The following PAFAH1B2 variants were observed in gnomAD, a reference collection of about 807,000 sequenced individuals.
PAFAH1B2 encodes the protein platelet activating factor acetylhydrolase 1b catalytic subunit 2.
In PAFAH1B2, 8 loss-of-function variants were observed where a neutral mutation model predicts 28.0. That is an observed-to-expected ratio of 0.29 (90% CI 0.17 to 0.52). PAFAH1B2 has a LOEUF of 0.52. PAFAH1B2 is among the 20% of genes least tolerant of loss of function. PAFAH1B2 has a pLI of 0.97. For synonymous variants in PAFAH1B2, 104 were observed against 103.2 expected, an observed-to-expected ratio of 1.01 and a Z score of -0.05; for missense variants, 190 against 282.6, an observed-to-expected ratio of 0.67 and a Z score of 2.35.
chr11:117,167,339 TC>T, intron 5 of PAFAH1B2, 81 bp from the exon 6 acceptor site: 1 of 1,368,938 alleles, frequency 7.3e-7, no homozygotes, highest in Non-Finnish European at 9.8e-7. Context: ...ATGGAGATGT[TC>T]CAGGAATATC....
chr11:117,146,141 T>A (rs1472452551), intron 1 of PAFAH1B2, among the ~76,000 whole-genome samples: 1 of 141,324 alleles, frequency 7.1e-6, no homozygotes, highest in African/African-American at 2.6e-5. Context: ...TTTGTGTGTG[T>A]GACGGAGTCT....
At chr11:117,144,692 C>G (rs1436382234) in intron 1 of PAFAH1B2, among the ~76,000 whole-genome samples, 2 of 152,160 alleles carry the variant, frequency 1.3e-5, no homozygotes, top group African/African-American at 4.8e-5. Flanking sequence ...CCTCAGCCGC[C>G]GGCCGGCGCC....
chr11:117,168,842 G>A lies in PAFAH1B2; in HGVS notation c.*1143G>A, dbSNP rs777020441. 6.5e-5 allele frequency: 44 copies of A among 678,986 alleles called. No homozygotes were observed. The highest frequency in any genetic ancestry group is 7.5e-5 in the Non-Finnish European group (40 of 536,398). 42.1% of individuals were successfully genotyped at this position (678,986 alleles called of 1,614,324 possible). A position where few individuals can be genotyped will look rare whatever the true frequency, so the allele number is the denominator to read the frequency against. ...GAGTTTCACTGTTGCCCAGGCTGGG[G>A]TGCAATGGTGTGATCTTGGCTCACT... On this transcript the variant is annotated 3_prime_UTR_variant, in exon 6 of 6. Transcript: ENST00000527958.
chr11:117,166,369 C>A (rs758050245), intron 5 of PAFAH1B2, among the ~76,000 whole-genome samples: 14 of 152,156 alleles, frequency 9.2e-5, no homozygotes, highest in Non-Finnish European at 1.6e-4. Flanking sequence ...GCTCAATAAG[C>A]CTTCCATATT....
At position 117,158,262 on chromosome 11, in the gene PAFAH1B2, G is replaced by A. The variant is rs370158700; in HGVS notation, c.82-1672G>A. Among the ~76,000 whole-genome samples the A allele has an allele frequency of 3.0e-4, 45 of 152,122 alleles. 2 individuals carry two copies. In the South Asian group the frequency reaches 6.8e-3, roughly 23 times the overall value. On this transcript the variant is annotated intron_variant, in intron 2 of 5. Transcript: ENST00000527958. The stretch of plus-strand genomic sequence containing the variant: ...TCATGATGTTGCCCAGGCTGGTCTC[G>A]AATGCCTGGGCTCAAGCTATCCTTC...
chr11:117,169,951 C>T lies in PAFAH1B2; in HGVS notation c.*2252C>T, dbSNP rs1956610403. 9.5e-7 allele frequency: 1 copy of T among 1,053,028 alleles called. No homozygotes were observed. 65.2% of individuals were successfully genotyped at this position (1,053,028 alleles called of 1,614,324 possible). A position where few individuals can be genotyped will look rare whatever the true frequency, so the allele number is the denominator to read the frequency against. ...TATCCCTTTGTGAGCTGGCCCTCAGCTCCTTTGCTCATGTGTACAAACCTC... is the reference window on the plus strand; with the variant it reads ...TATCCCTTTGTGAGCTGGCCCTCAGTTCCTTTGCTCATGTGTACAAACCTC... On this transcript the variant is annotated 3_prime_UTR_variant, in exon 6 of 6. Coordinates refer to ENST00000527958, the MANE Select transcript of PAFAH1B2 (RefSeq NM_002572.4).
chr11:117,150,232 C>G (rs1244685609), intron 1 of PAFAH1B2, among the ~76,000 whole-genome samples: 2 of 152,158 alleles, frequency 1.3e-5, no homozygotes, highest in Non-Finnish European at 2.9e-5. Flanking sequence ...GCTGCAACTT[C>G]CGCCTGCCAG....
chr11:117,150,187 G>A (rs988272411), intron 1 of PAFAH1B2, among the ~76,000 whole-genome samples: 6 of 152,052 alleles, frequency 3.9e-5, no homozygotes, highest in Admixed American at 3.9e-4. Flanking sequence ...TAATTTTTTG[G>A]TTGTTGTTTG....
intron 5 of PAFAH1B2, among the ~76,000 whole-genome samples, chr11:117,166,079 G>A (rs936676921): frequency 1.1e-4 from 16 of 152,136 alleles, no homozygotes; most frequent in Non-Finnish European, 2.2e-4. Flanking sequence ...GACCTCGTTC[G>A]TGATCTGCCC....
At chr11:117,172,404 A>ATT (rs375747711), downstream of PAFAH1B2, among the ~76,000 whole-genome samples, 2 of 8,690 alleles carry the variant, frequency 2.3e-4, no homozygotes, top group Non-Finnish European at 5.2e-4. Context: ...ATATATATAT[A>ATT]TTTTTTTTTT....
At chr11:117,177,313 C>T (rs999233184), downstream of PAFAH1B2, among the ~76,000 whole-genome samples, 11 of 152,020 alleles carry the variant, frequency 7.2e-5, no homozygotes, top group African/African-American at 2.7e-4. Context: ...CACTCACAAT[C>T]CATTATTTTT....
chr11:117,175,374 A>T (rs1447165730), downstream of PAFAH1B2: 1 of 1,070,204 alleles, frequency 9.3e-7, no homozygotes, highest in East Asian at 5.0e-5. Flanking sequence ...GGACCTATTC[A>T]TAAGTGCGGG....
chr11:117,168,560 G>C lies in PAFAH1B2; in HGVS notation c.*861G>C, dbSNP rs1591755027. 9.6e-7 allele frequency: 1 copy of C among 1,044,990 alleles called. No individual in the cohort carries two copies. The highest frequency in any genetic ancestry group is 5.5e-5 in the East Asian group (1 of 18,030). The allele number at this position is 1,044,990 out of a possible 1,614,324, so 64.7% of individuals were successfully genotyped here. A position where few individuals can be genotyped will look rare whatever the true frequency, so the allele number is the denominator to read the frequency against. On this transcript the variant is annotated 3_prime_UTR_variant, in exon 6 of 6. Coordinates refer to ENST00000527958, the MANE Select transcript of PAFAH1B2 (RefSeq NM_002572.4). ...ATAGTCTCCAGCCAGTTACTCTCAT[G>C]ATAGTACTGCTATAAAACTCATTCT...
intron 4 of PAFAH1B2, among the ~76,000 whole-genome samples, chr11:117,161,784 C>T (rs1956376059): frequency 6.6e-6 from 1 of 152,082 alleles, no homozygotes; most frequent in African/African-American, 2.4e-5. Context: ...TGGAGAATTA[C>T]AAGCATGAGC....
intron 2 of PAFAH1B2, among the ~76,000 whole-genome samples, chr11:117,154,144 G>A (rs1003234937): frequency 1.3e-5 from 2 of 151,722 alleles, no homozygotes; most frequent in Admixed American, 1.3e-4. Flanking sequence ...TACCACAGTT[G>A]ATTTGCCCAT....
chr11:117,171,594 G>GACTCATTTATC (rs1358639867), downstream of PAFAH1B2: 3 of 842,234 alleles, frequency 3.6e-6, no homozygotes, highest in Middle Eastern at 2.2e-4. Flanking sequence ...CTTGAGCACG[G>GACTCATTTATC]ACTCATTTAT....
intron 2 of PAFAH1B2, among the ~76,000 whole-genome samples, chr11:117,154,049 G>A (rs950691655): frequency 2.6e-5 from 4 of 151,536 alleles, no homozygotes; most frequent in Non-Finnish European, 5.9e-5. Context: ...AGGATATTAA[G>A]GCTACAATGA....
intron 5 of PAFAH1B2, among the ~76,000 whole-genome samples, chr11:117,164,957 T>C (rs1956468892): frequency 2.2e-5 from 2 of 91,486 alleles, no homozygotes. Context: ...ATTTCTTTTT[T>C]CTTTTTTTTT....
intron 5 of PAFAH1B2, among the ~76,000 whole-genome samples, chr11:117,166,853 A>G (rs925855420): frequency 6.6e-6 from 1 of 152,224 alleles, no homozygotes; most frequent in Non-Finnish European, 1.5e-5. Flanking sequence ...GGAGGTGGGA[A>G]GACCAATCAG....
Sources: gnomAD v4.1 joint callset for allele counts (sites outside exome capture counted in the v4.1 genomes callset) on GRCh38, gnomAD v4.1.1 for gene constraint, MANE v1.5 for transcripts, NCBI Gene and HGNC (gene_info 2026-07-23, HGNC 2026-07-21) for gene names.